Variants in NAV2 observed in about 807,000 individuals in gnomAD.
NAV2 encodes helicase, APC down-regulated 1.
NAV2 carries 54 observed loss-of-function variants against 223.2 expected under a neutral mutation model. That is an observed-to-expected ratio of 0.24 (90% CI 0.19 to 0.30). The LOEUF is 0.30. Among genes scored for constraint, NAV2 ranks in the 10% least tolerant of loss-of-function variants. The pLI is 1.00. For synonymous variants in NAV2, 1,279 were observed against 1,239.3 expected (o/e 1.03, Z -0.67); for missense variants, 2,806 against 3,147.5 (o/e 0.89, Z 2.60).
chr11:19,563,452 G>A (rs1273561088), intron 1 of NAV2, among the ~76,000 whole-genome samples: 3 of 152,158 alleles, frequency 2.0e-5, no homozygotes, highest in African/African-American at 4.8e-5. Context: ...GACCAGAGTC[G>A]ATTTTTGTCT....
intron 11 of NAV2, among the ~76,000 whole-genome samples, chr11:20,014,476 G>A (rs1387601331): frequency 6.6e-6 from 1 of 152,218 alleles, no homozygotes; most frequent in East Asian, 1.9e-4. Context: ...ACCATGGCTA[G>A]GTGTATTTGG....
At chr11:19,658,982 C>T (rs1384799869) in intron 1 of NAV2, among the ~76,000 whole-genome samples, 2 of 152,174 alleles carry the variant, frequency 1.3e-5, no homozygotes, top group African/African-American at 4.8e-5. Flanking sequence ...CAAACACAAG[C>T]TTAGCAGCTA....
chr11:20,025,507 T>C (rs531793885), intron 11 of NAV2, among the ~76,000 whole-genome samples: 126 of 152,250 alleles, frequency 8.3e-4, no homozygotes, highest in Non-Finnish European at 1.7e-3. Flanking sequence ...TGGTGCCTAG[T>C]GTAACAATGA....
Position 19,935,851 on chromosome 11 carries a change from G to GTTTTTTTTTTTTT in NAV2, c.2033+1586_2033+1598dup. Among the ~76,000 whole-genome samples, 172 of 52,692 alleles carry GTTTTTTTTTTTTT rather than the reference G, an allele frequency of 3.3e-3. 27 individuals are homozygous for GTTTTTTTTTTTTT. The highest frequency in any genetic ancestry group is 4.7e-3 in the Non-Finnish European group (139 of 29,440). The allele number at this position is 52,692 out of a possible 152,430, so 34.6% of individuals were successfully genotyped here. A position where few individuals can be genotyped will look rare whatever the true frequency, so the allele number is the denominator to read the frequency against. ...ACGGCTTTTGTTTTGTTTTGTTTCTGTTTTTTTTTTTTTTTTTTTTTTTTG... is the reference window on the plus strand; with the variant it reads ...ACGGCTTTTGTTTTGTTTTGTTTCTGTTTTTTTTTTTTTTTTTTTTTTTTTTTTTTTTTTTTTG... On this transcript the variant is annotated intron_variant, in intron 7 of 37. Transcript: ENST00000349880.
chr11:19,624,945 A>G (rs1300264791), intron 1 of NAV2, among the ~76,000 whole-genome samples: 1 of 152,250 alleles, frequency 6.6e-6, no homozygotes, highest in East Asian at 1.9e-4. Flanking sequence ...TTAATTGACA[A>G]ATAATAATTG....
chr11:19,841,153 G>T (rs527746929), intron 2 of NAV2, among the ~76,000 whole-genome samples: 16 of 152,188 alleles, frequency 1.1e-4, no homozygotes, highest in Admixed American at 2.0e-4. Context: ...TCCCAGGTGG[G>T]TCATAAACCT....
At chr11:19,776,608 GGTTAGAGT>G (rs2056203041) in intron 1 of NAV2, among the ~76,000 whole-genome samples, 68 of 106,052 alleles carry the variant, frequency 6.4e-4, no homozygotes, top group African/African-American at 1.3e-3. Flanking sequence ...GTGTGTGTGT[GGTTAGAGT>G]TGTGGGGGTC....
intron 1 of NAV2, among the ~76,000 whole-genome samples, chr11:19,396,844 A>G (rs1849469158): frequency 6.6e-6 from 1 of 152,240 alleles, no homozygotes; most frequent in Admixed American, 6.5e-5. Context: ...TTCCAAAAGA[A>G]TCCAAAAATA....
chr11:19,968,674 C>G (rs879332458), intron 10 of NAV2, among the ~76,000 whole-genome samples: 2 of 152,138 alleles, frequency 1.3e-5, no homozygotes, highest in Admixed American at 6.5e-5. Context: ...AGCGTTTGAA[C>G]AAGTTAAAGA....
At chr11:20,065,175 A>C (rs760021122) in intron 20 of NAV2, among the ~76,000 whole-genome samples, 11 of 152,206 alleles carry the variant, frequency 7.2e-5, no homozygotes, top group Non-Finnish European at 1.3e-4. Flanking sequence ...TCTTCGTGAT[A>C]ATGAAATTCT....
At position 19,916,590 on chromosome 11, in the gene NAV2, A is replaced by G. The variant is rs142732317; in HGVS notation, c.932-16586A>G. On this transcript the variant is annotated intron_variant, in intron 6 of 37. Coordinates refer to ENST00000349880, the MANE Select transcript of NAV2 (RefSeq NM_145117.5). ...CATGCATTCACTCACTTTATCAAACAACATTTATTCTGTATCACATACTGG... is the reference window on the plus strand; with the variant it reads ...CATGCATTCACTCACTTTATCAAACGACATTTATTCTGTATCACATACTGG... Among the ~76,000 whole-genome samples the G allele has an allele frequency of 3.6e-3, 549 of 152,360 alleles. 3 individuals carry two copies. The highest frequency in any genetic ancestry group is 0.012 in the African/African-American group (518 of 41,590).
intron 3 of NAV2, among the ~76,000 whole-genome samples, chr11:19,862,681 A>G (rs572593854): frequency 1.5e-4 from 23 of 152,278 alleles, no homozygotes; most frequent in African/African-American, 4.8e-4. Context: ...GCTCTGCCCT[A>G]TGGAGCTGTG....
intron 1 of NAV2, among the ~76,000 whole-genome samples, chr11:19,607,851 A>G (rs2046523782): frequency 6.6e-6 from 1 of 152,210 alleles, no homozygotes; most frequent in African/African-American, 2.4e-5. Context: ...AGATTCTTCA[A>G]ACAAGATAAC....
At chr11:19,724,683 G>A (rs1288399918) in intron 1 of NAV2, among the ~76,000 whole-genome samples, 2 of 152,172 alleles carry the variant, frequency 1.3e-5, no homozygotes, top group African/African-American at 4.8e-5. Context: ...GTCTCACAAG[G>A]GCACTGGGGG....
intron 1 of NAV2, among the ~76,000 whole-genome samples, chr11:19,789,532 T>C (rs2057378840): frequency 6.6e-6 from 1 of 152,202 alleles, no homozygotes; most frequent in South Asian, 2.1e-4. Flanking sequence ...ACATATTCAG[T>C]AAACATTTGT....
At chr11:20,076,267 C>T (rs1042445132) in intron 22 of NAV2, among the ~76,000 whole-genome samples, 5 of 152,242 alleles carry the variant, frequency 3.3e-5, no homozygotes, top group Non-Finnish European at 7.3e-5. Flanking sequence ...CTGTACTACA[C>T]TGCCTCCTTC....
At chr11:19,866,274 G>A (rs1315036799) in intron 3 of NAV2, among the ~76,000 whole-genome samples, 8 of 152,106 alleles carry the variant, frequency 5.3e-5, no homozygotes, top group African/African-American at 1.9e-4. Context: ...CTACATCTTG[G>A]CCTCTATCCA....
chr11:19,736,325 G>A (rs945335008), intron 1 of NAV2, among the ~76,000 whole-genome samples: 2 of 152,122 alleles, frequency 1.3e-5, no homozygotes, highest in Non-Finnish European at 2.9e-5. Flanking sequence ...CTAGAACTAC[G>A]CACTGTCAGT....
chr11:19,874,760 G>T (rs1191914611), intron 4 of NAV2, among the ~76,000 whole-genome samples: 2 of 152,172 alleles, frequency 1.3e-5, no homozygotes, highest in Admixed American at 6.5e-5. Flanking sequence ...TCCATCAATT[G>T]GTGAATGGAT....
Sources: allele counts gnomAD v4.1 joint callset (sites outside exome capture counted in the v4.1 genomes callset), GRCh38; gene constraint gnomAD v4.1.1; transcripts MANE v1.5; gene names NCBI Gene and HGNC (gene_info 2026-07-23, HGNC 2026-07-21).